SUCLA2: variants seen among roughly 807,000 people sequenced by gnomAD.
The protein encoded by SUCLA2 is succinate-CoA ligase ADP-forming subunit beta, also known as succinate--CoA ligase [ADP-forming] subunit beta, mitochondrial.
SUCLA2 carries 30 observed loss-of-function variants against 54.8 expected under a neutral mutation model. The observed-to-expected ratio is 0.55, with a 90% CI of 0.41 to 0.74. The LOEUF is 0.74. SUCLA2 is among the 30% of genes least tolerant of loss of function. The pLI is 0.00. For synonymous variants in SUCLA2, 172 were observed against 188.9 expected (o/e 0.91, Z 0.74); for missense variants, 476 against 562.9 (o/e 0.85, Z 1.56).
At chr13:47,980,329 G>T (rs532267171) in intron 4 of SUCLA2, among the ~76,000 whole-genome samples, 17 of 152,112 alleles carry the variant, frequency 1.1e-4, no homozygotes, top group African/African-American at 4.1e-4. Flanking sequence ...GCAGGAGAAT[G>T]GTGTGAACCC....
Position 47,943,514 on chromosome 13 carries a change from T to C in SUCLA2, c.1318-69A>G, listed in dbSNP as rs886068121. The stretch of plus-strand genomic sequence containing the variant: ...GAACTACAGGTCAGTGCAAAATTAA[T>C]GTACACTCAATTTTTTCCATTTAAA... On this transcript the variant is annotated intron_variant, in intron 10 of 10. Transcript: ENST00000646932. 5 of 1,408,802 alleles carry C rather than the reference T, an allele frequency of 3.5e-6. No homozygotes were observed. In the Admixed American group the frequency reaches 6.8e-5, roughly 19 times the overall value. 87.3% of individuals were successfully genotyped at this position (1,408,802 alleles called of 1,614,324 possible).
At position 47,949,503 on chromosome 13, in the gene SUCLA2, G is replaced by A. The variant is rs1480866615; in HGVS notation, c.1208C>T (p.Pro403Leu). The A allele has an allele frequency of 6.2e-7, 1 of 1,613,442 alleles. No homozygotes were observed. The highest frequency in any genetic ancestry group is 8.5e-7 in the Non-Finnish European group (1 of 1,179,610). The change falls in exon 9 of 11, where the codon CCT becomes CTT. Residue 403 changes from proline (P) to leucine (L), a missense_variant. This residue lies in a region of SUCLA2 where 342 missense variants were observed against 444.2 expected (regional missense o/e 0.77). Transcript: ENST00000646932. The stretch of plus-strand genomic sequence containing the variant: ...CTCACCTTGTAACCGTACCACAACA[G>A]GTATTTTAATTTCCAAGTCTTTTAC... ...MAVKDLEIKI[P>L]VVVRLQGTRV...
chr13:47,957,731 T>G (rs936579212), intron 6 of SUCLA2, among the ~76,000 whole-genome samples: 1 of 152,190 alleles, frequency 6.6e-6, no homozygotes, highest in Admixed American at 6.5e-5. Context: ...GAGGTTTTTC[T>G]GTAATTGCGT....
In SUCLA2 at chr13:47,996,953, G is replaced by A. The variant is rs1950196598; in HGVS notation, c.161C>T (p.Ser54Leu). The change falls in exon 2 of 11, where the codon TCA becomes TTA. Residue 54 changes from serine to leucine, a missense_variant. This residue lies in a region of SUCLA2 where 134 missense variants were observed against 118.7 expected (regional missense o/e 1.13). Transcript: ENST00000646932. ...TTCCATACTCATGTATTCATGTAGT[G>A]AGAGATTCCTTTGCTGTTGCTGCTG... The part of the protein sequence containing the change: ...QVQQQQQRNL[S>L]LHEYMSMELL... 4 of 1,613,986 alleles carry A rather than the reference G, an allele frequency of 2.5e-6. No individual in the cohort carries two copies. Among genetic ancestry groups the A allele is most frequent in the South Asian group, 1.1e-5 (1 of 91,088 alleles).
At chr13:47,986,606 GA>G (rs1283146455) in intron 4 of SUCLA2, among the ~76,000 whole-genome samples, 1 of 152,088 alleles carries the variant, frequency 6.6e-6, no homozygotes. Flanking sequence ...TTTTCATCAT[GA>G]ATCTTTGCCC....
Position 48,001,242 on chromosome 13 carries a change from G to C in SUCLA2, c.28C>G (p.Leu10Val), listed in dbSNP as rs9567973. 57 of 1,604,360 alleles carry C rather than the reference G, an allele frequency of 3.6e-5. No individual in the cohort carries two copies. The highest frequency in any genetic ancestry group is 4.8e-5 in the Non-Finnish European group (56 of 1,176,730). The change falls in exon 1 of 11, where the codon CTA (leucine) becomes GTA (valine). Residue 10 changes from leucine to valine, a missense_variant. Around this residue, in one of 2 missense-constraint regions of SUCLA2, gnomAD observed 134 missense variants for 118.7 expected, o/e 1.13. Coordinates refer to ENST00000646932, the MANE Select transcript of SUCLA2 (RefSeq NM_003850.3). MAASMFYGR[L>V]VAVATLRNHR... is the part of the protein sequence containing the mutation. ...TTCCGAAGGGTGGCCACGGCCACTA[G>C]CCTGCCGTAGAACATGGAGGCCGCC...
intron 4 of SUCLA2, among the ~76,000 whole-genome samples, chr13:47,976,451 A>C (rs1367026189): frequency 6.6e-6 from 1 of 152,208 alleles, no homozygotes; most frequent in East Asian, 1.9e-4. Context: ...ACACATGTTC[A>C]ACATTCCAGC....
At chr13:47,987,033 C>T (rs747676535) in intron 4 of SUCLA2, among the ~76,000 whole-genome samples, 3 of 152,148 alleles carry the variant, frequency 2.0e-5, no homozygotes, top group Non-Finnish European at 4.4e-5. Flanking sequence ...ATAATGTCTT[C>T]GGTCAAACAG....
At chr13:47,978,058 GA>G (rs1377134724) in intron 4 of SUCLA2, among the ~76,000 whole-genome samples, 1 of 152,056 alleles carries the variant, frequency 6.6e-6, no homozygotes, top group Admixed American at 6.6e-5. Flanking sequence ...TCATAGATAG[GA>G]AGAATCAATA....
intron 2 of SUCLA2, among the ~76,000 whole-genome samples, 175 bp downstream of exon 2, chr13:47,996,668 A>ATAT (rs1393514718): frequency 2.0e-5 from 3 of 151,936 alleles, no homozygotes; most frequent in Non-Finnish European, 4.4e-5. Flanking sequence ...CATAATAATA[A>ATAT]TAATAATAAT....
intron 5 of SUCLA2, among the ~76,000 whole-genome samples, chr13:47,970,405 T>G (rs1949953273): frequency 6.6e-6 from 1 of 152,172 alleles, no homozygotes; most frequent in Non-Finnish European, 1.5e-5. Context: ...ATCAAGTATT[T>G]TCTTCCTCAT....
rs751953767 is a variant in SUCLA2, at chr13:47,988,555, C to T, written c.520G>A (p.Glu174Lys). 1 of 1,613,816 alleles carries T rather than the reference C, an allele frequency of 6.2e-7. No homozygotes were observed. The highest frequency in any genetic ancestry group is 1.7e-5 in the Admixed American group (1 of 60,014). Residue 174 changes from glutamate (E) to lysine (K), a missense_variant, in exon 4 of 11, where the codon GAA (glutamate) becomes AAA (lysine). Coordinates refer to ENST00000646932, the MANE Select transcript of SUCLA2 (RefSeq NM_003850.3). Reference protein sequence around the residue: ...RREYYFAITMERSFQGPVLIG... With the variant: ...RREYYFAITMKRSFQGPVLIG... ...CAATTACTCACTTGAAATGACCTTT[C>T]CATTGTTATTGCAAAGTAGTATTCT...
rs149321505 is a variant in SUCLA2, at chr13:47,943,166, A to G, written c.*205T>C. The stretch of plus-strand genomic sequence containing the variant: ...GACTGGCTGCGACAAAAGAAAGAAG[A>G]TAACTGCATTATACATGCTTCGTAC... On this transcript the variant is annotated 3_prime_UTR_variant, in exon 11 of 11. Transcript: ENST00000646932. The G allele has an allele frequency of 1.2e-3, 656 of 548,708 alleles. 15 individuals carry two copies. The highest frequency in any genetic ancestry group is 8.3e-3 in the East Asian group (273 of 32,760). 34.0% of individuals were successfully genotyped at this position (548,708 alleles called of 1,614,324 possible).
At chr13:47,992,191 T>C (rs2137747651) in intron 2 of SUCLA2, among the ~76,000 whole-genome samples, 1 of 152,280 alleles carries the variant, frequency 6.6e-6, no homozygotes, top group Admixed American at 6.5e-5. Context: ...TTCCTATTCA[T>C]TAAACTGGGA....
chr13:47,962,100 CTTTT>C (rs1240655148), intron 6 of SUCLA2, among the ~76,000 whole-genome samples: 3 of 151,980 alleles, frequency 2.0e-5, no homozygotes, highest in Non-Finnish European at 4.4e-5. Context: ...ATTTTTATGG[CTTTT>C]TTTGTTTGAA....
chr13:47,972,370 A>T (rs1555258006), intron 5 of SUCLA2, among the ~76,000 whole-genome samples: 1 of 151,506 alleles, frequency 6.6e-6, no homozygotes, highest in Non-Finnish European at 1.5e-5. Flanking sequence ...AAGTGATGAT[A>T]CTAACAAATT....
intron 4 of SUCLA2, among the ~76,000 whole-genome samples, chr13:47,974,863 G>C (rs566141348): frequency 2.3e-4 from 35 of 152,106 alleles, no homozygotes; most frequent in African/African-American, 8.2e-4. Context: ...ATCTGTAGTG[G>C]GTAATGTAGT....
rs1180051967 is a variant in SUCLA2 at position 47,942,893 on chromosome 13, TA to T, written c.*477del. The T allele has an allele frequency of 2.5e-5, 4 of 159,892 alleles. No homozygotes were observed. The highest frequency in any genetic ancestry group is 9.6e-5 in the African/African-American group (4 of 41,510). The allele number at this position is 159,892 out of a possible 1,614,324, so 9.9% of individuals were successfully genotyped here. On this transcript the variant is annotated 3_prime_UTR_variant, in exon 11 of 11. Coordinates refer to ENST00000646932, the MANE Select transcript of SUCLA2 (RefSeq NM_003850.3). ...GAGGAGTGTTTGAAAGCTCTGTTTATAAATAGTGATTGATACATTTATCATG... is the reference window on the plus strand; with the variant it reads ...GAGGAGTGTTTGAAAGCTCTGTTTATAATAGTGATTGATACATTTATCATG...
At chr13:47,966,124 T>C (rs1795023296) in intron 6 of SUCLA2, among the ~76,000 whole-genome samples, 1 of 152,206 alleles carries the variant, frequency 6.6e-6, no homozygotes, top group Non-Finnish European at 1.5e-5. Flanking sequence ...GTTCCAAATA[T>C]ATTTGTATTT....
Sources: gnomAD v4.1 joint callset for allele counts (sites outside exome capture counted in the v4.1 genomes callset) on GRCh38, gnomAD v4.1.1 for gene constraint, gnomAD v4.1.1 regional missense constraint, MANE v1.5 for transcripts, NCBI Gene and HGNC (gene_info 2026-07-23, HGNC 2026-07-21) for gene names.